The following CFAP20DC variants were observed in gnomAD, a reference collection of about 807,000 sequenced individuals.
CFAP20DC encodes the protein CFAP20 domain containing.
A neutral mutation model predicts 101.7 loss-of-function variants in CFAP20DC; 84 were observed. The ratio of observed to expected loss-of-function variants is 0.83; its 90% CI spans 0.69 to 0.99. The LOEUF (loss-of-function observed/expected upper bound fraction) is 0.99. CFAP20DC is among the 50% of genes least tolerant of loss of function. CFAP20DC has a pLI of 0.00. For missense variants in CFAP20DC, 1,007 were observed against 970.3 expected, an observed-to-expected ratio of 1.04 and a Z score of -0.50; for synonymous variants, 359 against 351.2, an observed-to-expected ratio of 1.02 and a Z score of -0.25.
intron 4 of CFAP20DC, among the ~76,000 whole-genome samples, chr3:59,010,475 T>C (rs917420475): frequency 6.6e-6 from 1 of 152,146 alleles, no homozygotes; most frequent in Non-Finnish European, 1.5e-5. Flanking sequence ...GGATATTACA[T>C]AATGATAAAA....
chr3:58,716,447 G>A (rs1458534720), downstream of CFAP20DC, among the ~76,000 whole-genome samples: 3 of 152,084 alleles, frequency 2.0e-5, no homozygotes, highest in African/African-American at 7.3e-5. Context: ...ACAGGCATGA[G>A]CCACCGCGCC....
chr3:58,823,798 C>T (rs2075854463), intron 14 of CFAP20DC, among the ~76,000 whole-genome samples: 1 of 152,086 alleles, frequency 6.6e-6, no homozygotes, highest in African/African-American at 2.4e-5. Flanking sequence ...TGAAGAAATA[C>T]ATTTATTTGA....
At chr3:59,030,648 C>T (rs1201878693) in intron 4 of CFAP20DC, among the ~76,000 whole-genome samples, 1 of 152,212 alleles carries the variant, frequency 6.6e-6, no homozygotes, top group East Asian at 1.9e-4. Context: ...TTATCCCCAA[C>T]ACCCCTCGAA....
At chr3:58,784,425 G>C (rs1379089892) in intron 15 of CFAP20DC, among the ~76,000 whole-genome samples, 2 of 152,032 alleles carry the variant, frequency 1.3e-5, no homozygotes, top group South Asian at 2.1e-4. Context: ...TCTATGCTCA[G>C]TACCTGCGTA....
chr3:58,946,483 G>C (rs2089382236), intron 4 of CFAP20DC, among the ~76,000 whole-genome samples: 1 of 152,080 alleles, frequency 6.6e-6, no homozygotes. Flanking sequence ...TCACCCCTAA[G>C]TTCCAATTTC....
At chr3:58,797,378 G>C (rs2073338338) in intron 15 of CFAP20DC, among the ~76,000 whole-genome samples, 1 of 152,190 alleles carries the variant, frequency 6.6e-6, no homozygotes, top group Non-Finnish European at 1.5e-5. Flanking sequence ...CATCAAACCA[G>C]CCACAACATT....
chr3:58,835,255 A>C (rs1033445303), intron 13 of CFAP20DC, among the ~76,000 whole-genome samples: 1 of 152,182 alleles, frequency 6.6e-6, no homozygotes, highest in Non-Finnish European at 1.5e-5. Context: ...AAATATGACA[A>C]CAGAAGTATG....
At chr3:58,900,151 G>C (rs982191110) in intron 6 of CFAP20DC, among the ~76,000 whole-genome samples, 2 of 152,200 alleles carry the variant, frequency 1.3e-5, no homozygotes, top group Non-Finnish European at 2.9e-5. Context: ...GATCATCGAA[G>C]ACTGTGAAGG....
At chr3:59,008,607 A>G (rs1289482747) in intron 4 of CFAP20DC, among the ~76,000 whole-genome samples, 2 of 152,124 alleles carry the variant, frequency 1.3e-5, no homozygotes, top group Admixed American at 1.3e-4. Context: ...AACTATCACA[A>G]GGACAAAAAA....
Position 58,861,488 on chromosome 3 carries a change from T to C in CFAP20DC, c.1593+2070A>G. 1.1e-6 allele frequency: 1 copy of C among 924,186 alleles called. No homozygotes were observed. Among genetic ancestry groups the C allele is most frequent in the Non-Finnish European group, 1.3e-6 (1 of 774,254 alleles). The allele number at this position is 924,186 out of a possible 1,614,324, so 57.2% of individuals were successfully genotyped here. ...CCTAATTTCCCATTGATTTATACAATTAATAAATAGAAGAAGCTATCCTAC... is the reference window on the plus strand; with the variant it reads ...CCTAATTTCCCATTGATTTATACAACTAATAAATAGAAGAAGCTATCCTAC... On this transcript the variant is annotated intron_variant, in intron 12 of 16. Transcript: ENST00000482387. The surrounding 1 kb of genome is among the most constrained non-coding windows in gnomAD (Gnocchi z 4.0).
chr3:58,856,519 T>C (rs1357780584), intron 12 of CFAP20DC, among the ~76,000 whole-genome samples: 1 of 152,182 alleles, frequency 6.6e-6, no homozygotes, highest in Non-Finnish European at 1.5e-5. Context: ...AGGCCACTTA[T>C]GGGGTGAGCT....
intron 16 of CFAP20DC, 40 bp downstream of exon 16, chr3:58,753,729 A>C: frequency 7.9e-7 from 1 of 1,269,318 alleles, no homozygotes; most frequent in Non-Finnish European, 1.1e-6. Flanking sequence ...ATAGTAAATT[A>C]TTTTTATTTT....
At chr3:58,940,661 C>G (rs952349162) in intron 4 of CFAP20DC, among the ~76,000 whole-genome samples, 1 of 152,142 alleles carries the variant, frequency 6.6e-6, no homozygotes, top group South Asian at 2.1e-4. Flanking sequence ...TATTCTTATA[C>G]CAATAATACA....
At chr3:58,955,047 TATTTTGTGTAAAATTCAATG>T (rs1468129688) in intron 4 of CFAP20DC, among the ~76,000 whole-genome samples, 1 of 151,822 alleles carries the variant, frequency 6.6e-6, no homozygotes, top group African/African-American at 2.4e-5. Flanking sequence ...AAATTTACCA[TATTTTGTGTAAAATTCAATG>T]ATTTTTAGTA....
At chr3:58,945,855 C>T (rs1296263553) in intron 4 of CFAP20DC, among the ~76,000 whole-genome samples, 1 of 151,700 alleles carries the variant, frequency 6.6e-6, no homozygotes, top group Non-Finnish European at 1.5e-5. Flanking sequence ...CACCACCATA[C>T]CCAGCTAATT....
chr3:58,890,560 G>T (rs1252564720), intron 6 of CFAP20DC, among the ~76,000 whole-genome samples: 5 of 150,070 alleles, frequency 3.3e-5, no homozygotes, highest in Non-Finnish European at 7.4e-5. Context: ...TAGCCGGGTG[G>T]GGGGCTGACC....
chr3:59,038,170 A>G (rs1453060888), intron 4 of CFAP20DC, among the ~76,000 whole-genome samples: 1 of 152,128 alleles, frequency 6.6e-6, no homozygotes, highest in African/African-American at 2.4e-5. Context: ...AGAAATGCCA[A>G]TAATAATGTA....
chr3:58,909,027 G>C (rs2083882575), intron 6 of CFAP20DC, among the ~76,000 whole-genome samples: 1 of 152,154 alleles, frequency 6.6e-6, no homozygotes, highest in South Asian at 2.1e-4. Flanking sequence ...GAGCACAGAA[G>C]ACCTTTAGGG....
chr3:58,959,017 A>G (rs1005903561), intron 4 of CFAP20DC, among the ~76,000 whole-genome samples: 11 of 151,170 alleles, frequency 7.3e-5, no homozygotes, highest in Non-Finnish European at 1.5e-4. Context: ...ATATCTACAA[A>G]CCCCTTCACT....
Sources: gnomAD v4.1 joint callset for allele counts (sites outside exome capture counted in the v4.1 genomes callset) on GRCh38, gnomAD v4.1.1 for gene constraint, Gnocchi (gnomAD v3.1) non-coding constraint, MANE v1.5 for transcripts, NCBI Gene and HGNC (gene_info 2026-07-23, HGNC 2026-07-21) for gene names.